The following WDFY2 variants were observed in gnomAD, a reference collection of about 807,000 sequenced individuals.
The protein encoded by WDFY2 is WD repeat and FYVE domain containing 2, also known as WD repeat and FYVE domain-containing protein 2.
In WDFY2, 36 loss-of-function variants were observed where a neutral mutation model predicts 56.4. That is an observed-to-expected ratio of 0.64 (90% CI 0.49 to 0.84). WDFY2 has a LOEUF of 0.84. WDFY2 is among the 40% of genes least tolerant of loss of function. The pLI is 0.00. For missense variants in WDFY2, 444 were observed against 512.2 expected (o/e 0.87, Z 1.29); for synonymous variants, 176 against 183.7 (o/e 0.96, Z 0.34).
In WDFY2 at chr13:51,762,431, A is replaced by G. The variant is rs1014797073; in HGVS notation, c.*2662A>G. On this transcript the variant is annotated 3_prime_UTR_variant, in exon 12 of 12. Transcript: ENST00000298125. ...TTGAGAATCATCATCAGAAAACCAGATATGTCAAGGTATCCATTGCTCTTT... is the reference window on the plus strand; with the variant it reads ...TTGAGAATCATCATCAGAAAACCAGGTATGTCAAGGTATCCATTGCTCTTT... The G allele has an allele frequency of 5.9e-5, 9 of 152,298 alleles. No homozygotes were observed. The highest frequency in any genetic ancestry group is 1.4e-4 in the African/African-American group (6 of 41,556). 9.4% of individuals were successfully genotyped at this position (152,298 alleles called of 1,614,324 possible).
chr13:51,741,647 AT>A (rs1253588771), intron 7 of WDFY2, among the ~76,000 whole-genome samples: 1 of 152,214 alleles, frequency 6.6e-6, no homozygotes, highest in Non-Finnish European at 1.5e-5. Context: ...TGATTCTCGT[AT>A]TTGAGTACAC....
intron 1 of WDFY2, among the ~76,000 whole-genome samples, chr13:51,643,477 A>G (rs1955212919): frequency 6.6e-6 from 1 of 152,244 alleles, no homozygotes; most frequent in Non-Finnish European, 1.5e-5. Context: ...CACTGTGTAT[A>G]GAGCCAAGAA....
intron 7 of WDFY2, among the ~76,000 whole-genome samples, chr13:51,750,343 A>G (rs1186310891): frequency 6.6e-6 from 1 of 152,204 alleles, no homozygotes; most frequent in African/African-American, 2.4e-5. Context: ...CACACACAGC[A>G]AGAGGTGAAG....
intron 1 of WDFY2, among the ~76,000 whole-genome samples, chr13:51,627,146 G>A (rs1954850154): frequency 6.6e-6 from 1 of 152,232 alleles, no homozygotes; most frequent in Admixed American, 6.5e-5. Flanking sequence ...GGGGAACATG[G>A]TGGCACCTGG....
At chr13:51,605,262 C>G (rs1050925045) in intron 1 of WDFY2, among the ~76,000 whole-genome samples, 2 of 152,310 alleles carry the variant, frequency 1.3e-5, no homozygotes, top group Non-Finnish European at 2.9e-5. Flanking sequence ...TGGAGTCAGA[C>G]CTGGGTTCAG....
intron 4 of WDFY2, 138 bp from the exon 5 acceptor site, chr13:51,719,060 C>G: frequency 8.3e-7 from 1 of 1,211,560 alleles, no homozygotes; most frequent in Non-Finnish European, 1.2e-6. Flanking sequence ...AACCACTGTT[C>G]TACCTTGTCC....
intron 4 of WDFY2, among the ~76,000 whole-genome samples, chr13:51,707,770 C>G (rs1397101616): frequency 6.6e-6 from 1 of 151,552 alleles, no homozygotes; most frequent in Non-Finnish European, 1.5e-5. Context: ...GACAAAGTAG[C>G]AAGGGGTTAA....
intron 4 of WDFY2, among the ~76,000 whole-genome samples, chr13:51,710,584 G>T (rs1952190245): frequency 6.6e-6 from 1 of 152,164 alleles, no homozygotes; most frequent in Non-Finnish European, 1.5e-5. Context: ...AGCAACTTCA[G>T]CAAAGTCTCA....
At position 51,762,532 on chromosome 13, in the gene WDFY2, G is replaced by A. The variant is rs938831435; in HGVS notation, c.*2763G>A. The A allele has an allele frequency of 3.3e-5, 5 of 152,228 alleles. No individual in the cohort carries two copies. Among genetic ancestry groups the A allele is most frequent in the African/African-American group, 1.2e-4 (5 of 41,458 alleles). 9.4% of individuals were successfully genotyped at this position (152,228 alleles called of 1,614,324 possible). A position where few individuals can be genotyped will look rare whatever the true frequency, so the allele number is the denominator to read the frequency against. On this transcript the variant is annotated 3_prime_UTR_variant, in exon 12 of 12. Coordinates refer to ENST00000298125, the MANE Select transcript of WDFY2 (RefSeq NM_052950.4). Reference sequence around the variant, plus strand: ...AAACCAACTGTGTGTTTGTAATACTGTGAATTCTTGCGTTTTGCATTAAGT... The same window carrying A: ...AAACCAACTGTGTGTTTGTAATACTATGAATTCTTGCGTTTTGCATTAAGT...
chr13:51,666,416 C>G (rs1225000101), intron 2 of WDFY2, among the ~76,000 whole-genome samples: 1 of 152,156 alleles, frequency 6.6e-6, no homozygotes, highest in African/African-American at 2.4e-5. Context: ...CTCTCAAAGG[C>G]AGAACTTCCC....
At chr13:51,660,737 A>C in intron 2 of WDFY2, 74 bp downstream of exon 2, 1 of 1,309,228 alleles carries the variant, frequency 7.6e-7, no homozygotes, top group Non-Finnish European at 1.1e-6. Flanking sequence ...TTTTCTTCTT[A>C]AGTAGAGAAG....
chr13:51,718,551 A>AT (rs1480101329), intron 4 of WDFY2, among the ~76,000 whole-genome samples: 1 of 135,358 alleles, frequency 7.4e-6, no homozygotes, highest in Non-Finnish European at 1.6e-5. Flanking sequence ...TGCTCTTATT[A>AT]TCATTCATAC....
intron 3 of WDFY2, among the ~76,000 whole-genome samples, chr13:51,698,849 A>G (rs893032773): frequency 4.6e-5 from 7 of 152,240 alleles, no homozygotes; most frequent in African/African-American, 1.7e-4. Flanking sequence ...GAAAGATTTG[A>G]TAAAATTCAA....
chr13:51,610,496 G>C (rs2138333671), intron 1 of WDFY2, among the ~76,000 whole-genome samples: 1 of 152,210 alleles, frequency 6.6e-6, no homozygotes, highest in African/African-American at 2.4e-5. Flanking sequence ...ATTAGATTAA[G>C]CACATAAATT....
intron 7 of WDFY2, among the ~76,000 whole-genome samples, chr13:51,749,589 G>A (rs1447520675): frequency 2.0e-5 from 3 of 152,096 alleles, no homozygotes; most frequent in Admixed American, 6.6e-5. Context: ...TTTCCATAGT[G>A]ACATAAGGCA....
chr13:51,758,907 G>A (rs907830123), intron 11 of WDFY2, among the ~76,000 whole-genome samples: 2 of 152,164 alleles, frequency 1.3e-5, no homozygotes, highest in Non-Finnish European at 2.9e-5. Flanking sequence ...TCTGGGGCTG[G>A]GTGTGTTGAC....
At chr13:51,654,803 G>A (rs192760332) in intron 1 of WDFY2, among the ~76,000 whole-genome samples, 2 of 151,908 alleles carry the variant, frequency 1.3e-5, no homozygotes, top group Non-Finnish European at 2.9e-5. Context: ...TTTTTAAGCT[G>A]CTTTTGTACC....
chr13:51,590,421 T>G (rs1954021046), intron 1 of WDFY2: 1 of 151,192 alleles, frequency 6.6e-6, no homozygotes, highest in African/African-American at 2.5e-5. Context: ...TCTCTGGCTG[T>G]CTGTTTTCAC....
chr13:51,653,785 A>T (rs1044789561), intron 1 of WDFY2, among the ~76,000 whole-genome samples: 3 of 151,004 alleles, frequency 2.0e-5, no homozygotes, highest in Admixed American at 2.0e-4. Context: ...TCAGAGGAGT[A>T]CCTGGCCGTG....
Sources: allele counts gnomAD v4.1 joint callset (sites outside exome capture counted in the v4.1 genomes callset), GRCh38; gene constraint gnomAD v4.1.1; transcripts MANE v1.5; gene names NCBI Gene and HGNC (gene_info 2026-07-23, HGNC 2026-07-21).